GALNTL6: variants seen among roughly 807,000 people sequenced by gnomAD.
GALNTL6 encodes the protein polypeptide N-acetylgalactosaminyltransferase-like 6.
Under a neutral mutation model 73.7 loss-of-function variants are expected in GALNTL6, and 46 were observed. That is an observed-to-expected ratio of 0.62 (90% confidence interval 0.49 to 0.80). The LOEUF (loss-of-function observed/expected upper bound fraction) is 0.80. GALNTL6 is among the 30% of genes least tolerant of loss of function. The probability of loss-of-function intolerance (pLI) is 0.00; values close to 1 mark genes in which losing one functional copy is unlikely to be tolerated. For synonymous variants in GALNTL6, 259 were observed against 263.7 expected (o/e 0.98, Z 0.17); for missense variants, 604 against 755.0 (o/e 0.80, Z 2.34).
At chr4:171,826,587 TG>T (rs1356216854) in intron 2 of GALNTL6, among the ~76,000 whole-genome samples, 5 of 152,178 alleles carry the variant, frequency 3.3e-5, no homozygotes, top group African/African-American at 1.2e-4. Flanking sequence ...ATCTGACTCC[TG>T]CTAATCTGCA....
chr4:172,456,017 T>G (rs1488497116), intron 5 of GALNTL6, among the ~76,000 whole-genome samples: 1 of 152,100 alleles, frequency 6.6e-6, no homozygotes, highest in Non-Finnish European at 1.5e-5. Flanking sequence ...GCAGCAATCT[T>G]TGCTGTTCTG....
At chr4:172,294,982 A>G (rs954672703) in intron 3 of GALNTL6, among the ~76,000 whole-genome samples, 1 of 152,236 alleles carries the variant, frequency 6.6e-6, no homozygotes, top group African/African-American at 2.4e-5. Flanking sequence ...GTGTACATAT[A>G]GATTTATGTT....
chr4:172,382,889 T>A (rs533889934), intron 5 of GALNTL6, among the ~76,000 whole-genome samples: 1 of 129,184 alleles, frequency 7.7e-6, no homozygotes, highest in East Asian at 2.4e-4. Context: ...TTCACACAAT[T>A]TTTAAAGGAC....
chr4:172,086,104 TG>T (rs943596716), intron 2 of GALNTL6, among the ~76,000 whole-genome samples: 3 of 152,166 alleles, frequency 2.0e-5, no homozygotes, highest in African/African-American at 7.2e-5. Flanking sequence ...TTCTCTCGGC[TG>T]GCATTATTTC....
intron 5 of GALNTL6, among the ~76,000 whole-genome samples, chr4:172,665,004 T>G (rs575647207): frequency 6.6e-6 from 1 of 152,308 alleles, no homozygotes; most frequent in East Asian, 1.9e-4. Flanking sequence ...ATCCTTACTG[T>G]CTTTCTCTTT....
rs141454228 is a variant in GALNTL6, at chr4:172,192,684, A to T, written c.139-36972A>T. On this transcript the variant is annotated intron_variant, in intron 2 of 12. Transcript: ENST00000506823. ...ATCTGTGCAACTCGCCCATCAGGAG[A>T]TCCATTTGTGAGCTCATGCCACCAG... Among the ~76,000 whole-genome samples, 5 of 152,118 alleles carry T rather than the reference A, an allele frequency of 3.3e-5. No homozygotes were observed. In the East Asian group the frequency reaches 9.7e-4, roughly 29 times the overall value.
intron 4 of GALNTL6, among the ~76,000 whole-genome samples, chr4:172,315,804 G>GT (rs1740524839): frequency 6.6e-6 from 1 of 151,194 alleles, no homozygotes; most frequent in Non-Finnish European, 1.5e-5. Flanking sequence ...ACACTTTAAG[G>GT]TTTTCTCCAC....
intron 2 of GALNTL6, among the ~76,000 whole-genome samples, chr4:172,213,909 T>G (rs1375088648): frequency 6.6e-6 from 1 of 151,290 alleles, no homozygotes; most frequent in Non-Finnish European, 1.5e-5. Context: ...CGTGTAGGGG[T>G]TTTATAATTT....
chr4:172,976,350 T>G (rs908916496), intron 10 of GALNTL6, among the ~76,000 whole-genome samples: 17 of 152,180 alleles, frequency 1.1e-4, no homozygotes, highest in African/African-American at 3.9e-4. Context: ...ATTTTTAAAT[T>G]ATAAAATTAT....
At chr4:171,844,051 A>G (rs1735308689) in intron 2 of GALNTL6, among the ~76,000 whole-genome samples, 1 of 152,204 alleles carries the variant, frequency 6.6e-6, no homozygotes, top group South Asian at 2.1e-4. Flanking sequence ...ACTAGCATGC[A>G]TATTATGATT....
At chr4:171,938,474 C>A (rs1006313899) in intron 2 of GALNTL6, among the ~76,000 whole-genome samples, 1 of 152,104 alleles carries the variant, frequency 6.6e-6, no homozygotes, top group African/African-American at 2.4e-5. Flanking sequence ...ATCTAGGAAG[C>A]ACTAGTCCAG....
chr4:172,298,877 C>A (rs1029600903), intron 3 of GALNTL6, among the ~76,000 whole-genome samples: 3 of 152,136 alleles, frequency 2.0e-5, no homozygotes, highest in Non-Finnish European at 4.4e-5. Flanking sequence ...TGATGCTGGC[C>A]TCATGAAATG....
intron 5 of GALNTL6, among the ~76,000 whole-genome samples, chr4:172,430,873 A>G (rs1224299076): frequency 6.6e-6 from 1 of 152,186 alleles, no homozygotes; most frequent in Non-Finnish European, 1.5e-5. Flanking sequence ...TTGAAATAGG[A>G]TTATTAAAAT....
intron 10 of GALNTL6, among the ~76,000 whole-genome samples, chr4:172,981,680 G>A (rs1205849496): frequency 6.6e-6 from 1 of 151,610 alleles, no homozygotes; most frequent in African/African-American, 2.4e-5. Context: ...GGCTATTTTG[G>A]GTCCCTTGAG....
At chr4:171,875,256 A>G (rs1736244156) in intron 2 of GALNTL6, among the ~76,000 whole-genome samples, 1 of 152,240 alleles carries the variant, frequency 6.6e-6, no homozygotes, top group Non-Finnish European at 1.5e-5. Context: ...CAAAGGGCTT[A>G]TTAAGGAAAT....
At chr4:171,890,880 CA>C (rs1736741122) in intron 2 of GALNTL6, among the ~76,000 whole-genome samples, 1 of 152,080 alleles carries the variant, frequency 6.6e-6, no homozygotes, top group African/African-American at 2.4e-5. Flanking sequence ...TGATTAAATA[CA>C]GATTTCTTGT....
intron 5 of GALNTL6, among the ~76,000 whole-genome samples, chr4:172,682,046 A>G (rs1444326289): frequency 1.3e-5 from 2 of 152,214 alleles, no homozygotes; most frequent in Admixed American, 6.5e-5. Flanking sequence ...AACAAACAAA[A>G]TAAAGTTTGT....
chr4:172,542,664 G>T (rs972359829), intron 5 of GALNTL6, among the ~76,000 whole-genome samples: 1 of 152,112 alleles, frequency 6.6e-6, no homozygotes, highest in Non-Finnish European at 1.5e-5. Context: ...CTATCATGGC[G>T]AGAACTTTGT....
In GALNTL6 at chr4:172,279,338, G is replaced by A. The variant is rs1738947091; in HGVS notation, c.248-32276G>A. Among the ~76,000 whole-genome samples the A allele has an allele frequency of 3.3e-5, 5 of 152,070 alleles. No individual in the cohort carries two copies. The South Asian group carries it at 1.0e-3, about 31-fold the overall frequency. ...ATATCTGATAAGGCATTATTACCTAGAACATATAAAGATTTGCTACAACTC... is the reference window on the plus strand; with the variant it reads ...ATATCTGATAAGGCATTATTACCTAAAACATATAAAGATTTGCTACAACTC... On this transcript the variant is annotated intron_variant, in intron 3 of 12. Coordinates refer to ENST00000506823, the MANE Select transcript of GALNTL6 (RefSeq NM_001034845.3).
Sources: gnomAD v4.1 joint callset for allele counts (sites outside exome capture counted in the v4.1 genomes callset) on GRCh38, gnomAD v4.1.1 for gene constraint, MANE v1.5 for transcripts, NCBI Gene and HGNC (gene_info 2026-07-23, HGNC 2026-07-21) for gene names.